Variants in PHF24 observed in about 807,000 individuals in gnomAD.
PHF24 encodes PHD finger protein 24.
PHF24 carries 25 observed loss-of-function variants against 42.6 expected under a neutral mutation model. That is an observed-to-expected ratio of 0.59 (90% CI 0.43 to 0.82). The LOEUF is 0.82. PHF24 is among the 40% of genes least tolerant of loss of function. The pLI, the probability that PHF24 is intolerant of heterozygous loss-of-function variation, is 0.00. For synonymous variants in PHF24, 185 were observed against 204.8 expected (o/e 0.90, Z 0.83); for missense variants, 470 against 538.1 (o/e 0.87, Z 1.25).
At chr9:34,734,017 G>A in the PHF24 span, among the ~76,000 whole-genome samples, 2 of 152,204 alleles carry the variant, frequency 1.3e-5, no homozygotes, top group African/African-American at 4.8e-5. Context: ...AGAAAGGAAA[G>A]TTGGAAGTAG....
the PHF24 span, among the ~76,000 whole-genome samples, chr9:34,860,964 T>C: frequency 6.6e-6 from 1 of 152,154 alleles, no homozygotes; most frequent in Non-Finnish European, 1.5e-5. Context: ...TCTTGTAGAC[T>C]ACATGCAGAG....
the PHF24 span, among the ~76,000 whole-genome samples, chr9:34,774,554 C>T: frequency 6.6e-6 from 1 of 152,086 alleles, no homozygotes; most frequent in Non-Finnish European, 1.5e-5. Flanking sequence ...GGTGGATCAC[C>T]TGAGGTCAGG....
At chr9:34,844,538 T>G in the PHF24 span, among the ~76,000 whole-genome samples, 1,143 of 152,326 alleles carry the variant, frequency 7.5e-3, 21 homozygotes, top group African/African-American at 0.026. Context: ...ATTTATTTGA[T>G]CCATTGGTTA....
At chr9:34,877,778 A>C in the PHF24 span, among the ~76,000 whole-genome samples, 1 of 152,012 alleles carries the variant, frequency 6.6e-6, no homozygotes, top group African/African-American at 2.4e-5. Context: ...CAGAATGTGC[A>C]GTTTTGTTAC....
At chr9:34,789,639 G>A in the PHF24 span, among the ~76,000 whole-genome samples, 1 of 152,164 alleles carries the variant, frequency 6.6e-6, no homozygotes, top group Non-Finnish European at 1.5e-5. Flanking sequence ...GAGACTGTAG[G>A]AAAATGATGA....
chr9:34,836,576 T>C, the PHF24 span, among the ~76,000 whole-genome samples: 2 of 152,198 alleles, frequency 1.3e-5, no homozygotes, highest in Non-Finnish European at 2.9e-5. Flanking sequence ...AATCTTTTTC[T>C]CTAGAAATCT....
At chr9:34,728,591 G>T in the PHF24 span, 2 of 1,549,574 alleles carry the variant, frequency 1.3e-6, no homozygotes, top group Non-Finnish European at 1.7e-6. Context: ...GGAGTCAGAG[G>T]AGAGATTGGG....
At chr9:34,675,472 G>T in the PHF24 span, among the ~76,000 whole-genome samples, 1 of 152,294 alleles carries the variant, frequency 6.6e-6, no homozygotes, top group Admixed American at 6.5e-5. Flanking sequence ...CTATCCTTTT[G>T]CAAATCCTCT....
chr9:34,758,876 C>T, the PHF24 span, among the ~76,000 whole-genome samples: 2 of 152,062 alleles, frequency 1.3e-5, no homozygotes, highest in Admixed American at 1.3e-4. The surrounding 1 kb of genome is among the most constrained non-coding windows in gnomAD (Gnocchi z 4.4). Flanking sequence ...CTTCTGCTTA[C>T]CTTTTCCCCT....
At chr9:34,876,883 T>C in the PHF24 span, among the ~76,000 whole-genome samples, 3 of 152,200 alleles carry the variant, frequency 2.0e-5, no homozygotes, top group Non-Finnish European at 4.4e-5. Context: ...ATGTTCATAG[T>C]AGCATTATTC....
the PHF24 span, among the ~76,000 whole-genome samples, chr9:34,697,618 C>A: frequency 1.3e-5 from 2 of 152,192 alleles, no homozygotes; most frequent in Non-Finnish European, 2.9e-5. Flanking sequence ...CCGCACCCAG[C>A]CTTCACGTTT....
chr9:34,922,567 A>G, the PHF24 span: 1 of 973,918 alleles, frequency 1.0e-6, no homozygotes, highest in African/African-American at 1.6e-5. Context: ...TTCATTTTCA[A>G]ATAGAAGAAT....
chr9:34,766,664 A>T, the PHF24 span, among the ~76,000 whole-genome samples: 1 of 152,126 alleles, frequency 6.6e-6, no homozygotes. Flanking sequence ...TGTAGCTCGG[A>T]GTAGTTTGAG....
chr9:34,850,184 T>A, the PHF24 span, among the ~76,000 whole-genome samples: 1 of 152,208 alleles, frequency 6.6e-6, no homozygotes, highest in African/African-American at 2.4e-5. Flanking sequence ...CTGGATAATA[T>A]CCTGCAGAGT....
At chr9:34,941,680 C>A in the PHF24 span, among the ~76,000 whole-genome samples, 3 of 152,122 alleles carry the variant, frequency 2.0e-5, 1 homozygote, top group Non-Finnish European at 4.4e-5. Flanking sequence ...CTGGTGAGGA[C>A]CCTATTTTTC....
chr9:34,680,502 A>C, the PHF24 span, among the ~76,000 whole-genome samples: 2 of 151,136 alleles, frequency 1.3e-5, no homozygotes, highest in Non-Finnish European at 3.0e-5. Context: ...TCCTGGCTAA[A>C]ACGGTGAAAC....
At chr9:34,780,668 G>C in the PHF24 span, among the ~76,000 whole-genome samples, 1 of 152,114 alleles carries the variant, frequency 6.6e-6, no homozygotes, top group South Asian at 2.1e-4. Context: ...ATAACATTTT[G>C]TGCATCAAAG....
intron 3 of PHF24, 93 bp from the exon 4 acceptor site, chr9:34,976,059 G>A: frequency 3.5e-6 from 3 of 863,318 alleles, no homozygotes; most frequent in East Asian, 2.4e-5. Context: ...TCTTGGAACT[G>A]CTTTCCAGTT....
chr9:34,709,444 G>C, the PHF24 span: 679 of 1,612,902 alleles, frequency 4.2e-4, no homozygotes, highest in Non-Finnish European at 5.1e-4. Context: ...GGGCAGAAGA[G>C]GGGTGTGAGG....
Sources: gnomAD v4.1 joint callset for allele counts (sites outside exome capture counted in the v4.1 genomes callset) on GRCh38, gnomAD v4.1.1 for gene constraint, Gnocchi (gnomAD v3.1) non-coding constraint, MANE v1.5 for transcripts, NCBI Gene and HGNC (gene_info 2026-07-23, HGNC 2026-07-21) for gene names.